The following AFF2 variants were observed in gnomAD, a reference collection of about 807,000 sequenced individuals.
The protein encoded by AFF2 is ALF transcription elongation factor 2, also known as AF4/FMR2 family member 2.
AFF2 carries 14 observed loss-of-function variants against 76.9 expected under a neutral mutation model. The ratio of observed to expected loss-of-function variants is 0.18; its 90% CI spans 0.12 to 0.28. The LOEUF (loss-of-function observed/expected upper bound fraction) is 0.28, where lower values mean the gene tolerates loss of function less well. Among genes scored for constraint, AFF2 ranks in the 10% least tolerant of loss-of-function variants. AFF2 has a pLI of 1.00. For missense variants in AFF2, 868 were observed against 1,001.1 expected (o/e 0.87, Z 1.79); for synonymous variants, 398 against 366.7 (o/e 1.09, Z -0.98).
chrX:148,860,039 T>A (rs781817433), intron 7 of AFF2, among the ~76,000 whole-genome samples: 73 of 111,817 alleles, frequency 6.5e-4, no homozygotes, highest in African/African-American at 1.7e-3. Context: ...AGTATTTTTT[T>A]AAAAAATTTG....
chrX:148,698,797 G>GTTTTTTTTTTTTTTTTTTTTT (rs142604433), intron 3 of AFF2, among the ~76,000 whole-genome samples: 1 of 71,714 alleles, frequency 1.4e-5, no homozygotes, highest in Non-Finnish European at 2.7e-5. Context: ...GAGTTCTAGT[G>GTTTTTTTTTTTTTTTTTTTTT]TTTTTTTTTT....
intron 7 of AFF2, among the ~76,000 whole-genome samples, chrX:148,858,979 T>C (rs73609908): frequency 0.07 from 7,526 of 107,709 alleles, 565 homozygotes; most frequent in African/African-American, 0.21. Context: ...GGAAAGATTT[T>C]CATTACTAGA....
At chrX:148,580,832 A>C (rs2053347948) in intron 1 of AFF2, among the ~76,000 whole-genome samples, 1 of 108,128 alleles carries the variant, frequency 9.2e-6, no homozygotes, top group Non-Finnish European at 1.9e-5. Context: ...TGTAAATAAC[A>C]AATCAATTTT....
chrX:148,965,391 A>C (rs1157833665), intron 13 of AFF2, among the ~76,000 whole-genome samples: 2 of 112,197 alleles, frequency 1.8e-5, no homozygotes, highest in Non-Finnish European at 3.8e-5. Flanking sequence ...ATCATTTTTC[A>C]AAATGAAGTA....
chrX:148,794,135 AG>A (rs1557270185), intron 3 of AFF2, among the ~76,000 whole-genome samples: 1 of 111,793 alleles, frequency 8.9e-6, no homozygotes, highest in African/African-American at 3.3e-5. Context: ...TCTTACTGTA[AG>A]TAAACCAGAA....
At position 148,956,469 on chromosome X, in the gene AFF2, C is replaced by T. The variant is rs139807832; in HGVS notation, c.2424C>T (p.Asp808=). 368 of 1,210,235 alleles carry T rather than the reference C, an allele frequency of 3.0e-4. No homozygotes were observed. Among genetic ancestry groups the T allele is most frequent in the Non-Finnish European group, 3.7e-4 (333 of 895,291 alleles). The change falls in exon 11 of 21, where the codon GAC becomes GAT. Residue 808 remains aspartate (D), a synonymous_variant. Transcript: ENST00000370460. ...LKNLWVKIDL[D]LLSRVPGHSS... ...ACCTCTGGGTGAAGATTGACCTTGA[C>T]TTACTCTCTAGAGTACCTGGCCACA...
intron 1 of AFF2, among the ~76,000 whole-genome samples, chrX:148,566,201 G>C (rs1196883673): frequency 1.8e-5 from 2 of 110,965 alleles, no homozygotes; most frequent in Admixed American, 1.9e-4. Flanking sequence ...TTTTGCCCAA[G>C]TCTGTCAGCT....
chrX:148,621,497 T>C (rs1168178767), intron 1 of AFF2, among the ~76,000 whole-genome samples: 1 of 111,421 alleles, frequency 9.0e-6, no homozygotes, highest in African/African-American at 3.3e-5. Context: ...TTTCTCTAGA[T>C]ATTCAGCTGA....
chrX:148,955,533 T>A lies in AFF2; in HGVS notation c.1558-70T>A, dbSNP rs116710451. Reference sequence around the variant, plus strand: ...ATCCAAAGCTTTTAGTAGTAGTCTCTGTACTCAGGGTTCTCTTGAATCCTT... The same window carrying A: ...ATCCAAAGCTTTTAGTAGTAGTCTCAGTACTCAGGGTTCTCTTGAATCCTT... On this transcript the variant is annotated intron_variant, in intron 10 of 20. Coordinates refer to ENST00000370460, the MANE Select transcript of AFF2 (RefSeq NM_002025.4). 3,127 of 1,090,838 alleles carry A rather than the reference T, an allele frequency of 2.9e-3. 62 individuals carry two copies. The African/African-American group carries it at 0.05, about 18-fold the overall frequency. The allele number at this position is 1,090,838 out of a possible 1,213,427, so 89.9% of individuals were successfully genotyped here. A position where few individuals can be genotyped will look rare whatever the true frequency, so the allele number is the denominator to read the frequency against.
intron 9 of AFF2, among the ~76,000 whole-genome samples, chrX:148,912,369 T>A (rs1172856087): frequency 9.0e-6 from 1 of 111,161 alleles, no homozygotes; most frequent in Non-Finnish European, 1.9e-5. Context: ...CACTTATGAG[T>A]GAGAACATAA....
intron 9 of AFF2, among the ~76,000 whole-genome samples, chrX:148,906,072 T>C (rs782762032): frequency 8.9e-6 from 1 of 112,199 alleles, no homozygotes; most frequent in South Asian, 3.8e-4. Flanking sequence ...TTAAGTAAGA[T>C]ACTGTTCTCA....
rs372864201 is a variant in AFF2, at chrX:148,762,409, G to GTATATA, written c.1042-47460_1042-47455dup. 7.2e-3 allele frequency among the ~76,000 whole-genome samples: 627 copies of GTATATA among 86,670 alleles called. 36 individuals are homozygous for GTATATA. Among genetic ancestry groups the GTATATA allele is most frequent in the African/African-American group, 0.047 (605 of 12,936 alleles). The allele number at this position is 86,670 out of a possible 115,157, so 75.3% of individuals were successfully genotyped here. ...TTTTATGGCTGAGTAGTATTCTATG[G>GTATATA]TATATATATATACACATGCACACAT... On this transcript the variant is annotated intron_variant, in intron 3 of 20. Coordinates refer to ENST00000370460, the MANE Select transcript of AFF2 (RefSeq NM_002025.4).
chrX:148,634,586 TG>T (rs2054011212), intron 1 of AFF2, among the ~76,000 whole-genome samples: 1 of 112,221 alleles, frequency 8.9e-6, no homozygotes, highest in Non-Finnish European at 1.9e-5. Context: ...TCTATGTAAG[TG>T]GGACCTGTTC....
At position 148,991,227 on chromosome X, in the gene AFF2, G is replaced by C; in HGVS notation, c.3831G>C (p.Leu1277=). 1 of 1,205,279 alleles carries C rather than the reference G, an allele frequency of 8.3e-7. No individual in the cohort carries two copies. The highest frequency in any genetic ancestry group is 1.1e-6 in the Non-Finnish European group (1 of 891,653). The part of the protein sequence containing the change: ...TRENKEFFGD[L]DTLMGPLTQH... ...GCTTTTCAGAATTCTTTGGTGATCT[G>C]GACACGCTGATGGGGCCTCTGACCC... Residue 1277 remains leucine (L), a synonymous_variant, in exon 21 of 21, where the codon CTG becomes CTC. Coordinates refer to ENST00000370460, the MANE Select transcript of AFF2 (RefSeq NM_002025.4).
At chrX:148,623,753 T>C (rs1356813648) in intron 1 of AFF2, among the ~76,000 whole-genome samples, 1 of 110,586 alleles carries the variant, frequency 9.0e-6, no homozygotes, top group Non-Finnish European at 1.9e-5. Context: ...GTAGGTATTA[T>C]GTATTAACAT....
chrX:148,672,403 G>C (rs1395489494), intron 3 of AFF2, among the ~76,000 whole-genome samples: 1 of 112,022 alleles, frequency 8.9e-6, no homozygotes, highest in East Asian at 2.8e-4. Flanking sequence ...TCTCGGAGAG[G>C]CTAAGCGTCA....
intron 18 of AFF2, among the ~76,000 whole-genome samples, chrX:148,980,497 A>G (rs782262259): frequency 3.6e-5 from 4 of 111,701 alleles, no homozygotes; most frequent in Non-Finnish European, 7.5e-5. Flanking sequence ...GCCTTTTAGT[A>G]TATAAGATCT....
intron 1 of AFF2, among the ~76,000 whole-genome samples, chrX:148,648,317 T>C (rs2054164124): frequency 9.1e-6 from 1 of 110,373 alleles, no homozygotes; most frequent in South Asian, 3.9e-4. Flanking sequence ...TCCCAGCACT[T>C]TGGGAGGCCG....
chrX:148,527,574 CTTTTT>C (rs1157760774), intron 1 of AFF2, among the ~76,000 whole-genome samples: 3 of 111,312 alleles, frequency 2.7e-5, no homozygotes, highest in African/African-American at 9.8e-5. Flanking sequence ...GGAGAATGTT[CTTTTT>C]TTAGGCGATA....
Sources: gnomAD v4.1 joint callset for allele counts (sites outside exome capture counted in the v4.1 genomes callset) on GRCh38, gnomAD v4.1.1 for gene constraint, MANE v1.5 for transcripts, NCBI Gene and HGNC (gene_info 2026-07-23, HGNC 2026-07-21) for gene names.